Variants in GRM7 observed in about 807,000 individuals in gnomAD.
GRM7 encodes the protein glutamate metabotropic receptor 7.
A neutral mutation model predicts 84.5 loss-of-function variants in GRM7; 35 were observed. That is an observed-to-expected ratio of 0.41 (90% confidence interval 0.32 to 0.55). GRM7 has a LOEUF of 0.55. GRM7 is among the 20% of genes least tolerant of loss of function. GRM7 has a pLI of 0.19. For synonymous variants in GRM7, 487 were observed against 455.1 expected (o/e 1.07, Z -0.89); for missense variants, 1,003 against 1,194.6 (o/e 0.84, Z 2.36).
At chr3:7,379,321 G>C (rs1055258886) in intron 4 of GRM7, among the ~76,000 whole-genome samples, 1 of 152,010 alleles carries the variant, frequency 6.6e-6, no homozygotes, top group Non-Finnish European at 1.5e-5. Flanking sequence ...TCAAACTCCT[G>C]AGCACAGGCA....
intron 2 of GRM7, among the ~76,000 whole-genome samples, chr3:7,278,328 T>C (rs1416075319): frequency 6.6e-6 from 1 of 152,024 alleles, no homozygotes; most frequent in Non-Finnish European, 1.5e-5. Context: ...AAATAAAAAA[T>C]TAAGAAAACC....
chr3:7,520,675 C>CAT (rs1700562481), intron 7 of GRM7, among the ~76,000 whole-genome samples: 1 of 152,124 alleles, frequency 6.6e-6, no homozygotes, highest in Admixed American at 6.5e-5. Context: ...GAGCCTGATT[C>CAT]ACACTGTGCC....
At chr3:7,243,140 C>T (rs1325967906) in intron 2 of GRM7, among the ~76,000 whole-genome samples, 3 of 151,976 alleles carry the variant, frequency 2.0e-5, no homozygotes, top group African/African-American at 4.8e-5. Flanking sequence ...GCTGAACAGC[C>T]GAAGGGCTCC....
intron 1 of GRM7, among the ~76,000 whole-genome samples, chr3:6,877,947 TA>T (rs1343537144): frequency 8.9e-6 from 1 of 112,366 alleles, no homozygotes; most frequent in Non-Finnish European, 1.9e-5. Flanking sequence ...CTCAATAACT[TA>T]CTTTTTTTTT....
At chr3:7,687,494 G>GTTATTAAAGTCATGT (rs1044760735) in intron 9 of GRM7, among the ~76,000 whole-genome samples, 5 of 152,184 alleles carry the variant, frequency 3.3e-5, no homozygotes, top group Non-Finnish European at 7.4e-5. Flanking sequence ...CATGGAATAA[G>GTTATTAAAGTCATGT]TTATTAAAGT....
intron 8 of GRM7, among the ~76,000 whole-genome samples, chr3:7,676,997 CA>C (rs1203470357): frequency 6.6e-6 from 1 of 152,050 alleles, no homozygotes; most frequent in African/African-American, 2.4e-5. Context: ...CATGGTGGCT[CA>C]CGCCTGTAAT....
chr3:7,061,940 C>T (rs1697446377), intron 1 of GRM7, among the ~76,000 whole-genome samples: 1 of 151,562 alleles, frequency 6.6e-6, no homozygotes, highest in Non-Finnish European at 1.5e-5. Context: ...CTTATCTAAT[C>T]AACATGATAA....
intron 8 of GRM7, chr3:7,591,531 T>C (rs998354286): frequency 2.4e-6 from 1 of 421,450 alleles, no homozygotes; most frequent in Non-Finnish European, 4.7e-6. Flanking sequence ...ATTTCTAGGA[T>C]TTTTGGAAAG....
Position 6,955,618 on chromosome 3 carries a change from G to A in GRM7, c.519+93711G>A, listed in dbSNP as rs1036409084. Among the ~76,000 whole-genome samples the A allele has an allele frequency of 1.3e-5, 2 of 152,022 alleles. 1 individual carries two copies. The highest frequency in any genetic ancestry group is 4.1e-4 in the South Asian group (2 of 4,826). On this transcript the variant is annotated intron_variant, in intron 1 of 9. Transcript: ENST00000357716. ...CTAGAACTTTAGGAGGCTGAGATGG[G>A]CAGATTGTGAGGTCAGGAGTTTGAG...
chr3:7,322,398 G>A (rs1700816814), intron 4 of GRM7, among the ~76,000 whole-genome samples: 1 of 151,812 alleles, frequency 6.6e-6, no homozygotes, highest in Non-Finnish European at 1.5e-5. Context: ...TTTTATGTAT[G>A]TATGTATCTT....
rs62237238 is a variant in GRM7, at chr3:6,879,318, A to G, written c.519+17411A>G. Among the ~76,000 whole-genome samples the G allele has an allele frequency of 1.7e-3, 264 of 152,326 alleles. 2 individuals are homozygous for G. Among genetic ancestry groups the G allele is most frequent in the Middle Eastern group, 6.8e-3 (2 of 294 alleles). On this transcript the variant is annotated intron_variant, in intron 1 of 9. Coordinates refer to ENST00000357716, the MANE Select transcript of GRM7 (RefSeq NM_000844.4). ...AATTATAATTGTATTACATTTATAG[A>G]ATACAGTGTGATGTTTTTGATATAT...
At chr3:7,292,168 A>T (rs780430067) in intron 2 of GRM7, among the ~76,000 whole-genome samples, 3 of 152,148 alleles carry the variant, frequency 2.0e-5, no homozygotes, top group African/African-American at 7.2e-5. Context: ...AGGGTTGGAC[A>T]GTCTTATTCA....
chr3:7,522,452 A>G (rs1047371412), intron 7 of GRM7, among the ~76,000 whole-genome samples: 5 of 151,932 alleles, frequency 3.3e-5, no homozygotes, highest in Non-Finnish European at 7.4e-5. Context: ...TAACACACCC[A>G]TTGCTACTGC....
At chr3:6,904,609 T>C (rs552825082) in intron 1 of GRM7, among the ~76,000 whole-genome samples, 5 of 152,192 alleles carry the variant, frequency 3.3e-5, no homozygotes, top group African/African-American at 4.8e-5. Context: ...GCTACCTCTT[T>C]TGTGTACTTC....
At chr3:6,922,077 G>C (rs1363084436) in intron 1 of GRM7, among the ~76,000 whole-genome samples, 1 of 152,184 alleles carries the variant, frequency 6.6e-6, no homozygotes, top group Non-Finnish European at 1.5e-5. Context: ...TGACGACTAA[G>C]CATGTTCCGA....
At chr3:7,274,953 G>T (rs554013245) in intron 2 of GRM7, among the ~76,000 whole-genome samples, 1 of 151,888 alleles carries the variant, frequency 6.6e-6, no homozygotes, top group Non-Finnish European at 1.5e-5. Flanking sequence ...TAGTTTTCCT[G>T]TGATTCCTGG....
intron 7 of GRM7, among the ~76,000 whole-genome samples, chr3:7,464,849 A>C (rs1224395385): frequency 7.2e-6 from 1 of 138,698 alleles, no homozygotes; most frequent in Non-Finnish European, 1.6e-5. Flanking sequence ...AAAAAAAATT[A>C]ACTGAGCATG....
At chr3:7,556,060 A>G (rs1346596307) in intron 7 of GRM7, among the ~76,000 whole-genome samples, 1 of 152,178 alleles carries the variant, frequency 6.6e-6, no homozygotes, top group Non-Finnish European at 1.5e-5. Context: ...TATAAACAAC[A>G]GGCATTTATT....
At chr3:7,162,721 C>A (rs573037216) in intron 2 of GRM7, among the ~76,000 whole-genome samples, 1 of 110,000 alleles carries the variant, frequency 9.1e-6, no homozygotes, top group African/African-American at 3.1e-5. Flanking sequence ...CCATTACTCC[C>A]ATTTTTCATT....
Sources: gnomAD v4.1 joint callset for allele counts (sites outside exome capture counted in the v4.1 genomes callset) on GRCh38, gnomAD v4.1.1 for gene constraint, MANE v1.5 for transcripts, NCBI Gene and HGNC (gene_info 2026-07-23, HGNC 2026-07-21) for gene names.